Variants in NFS1 observed in about 807,000 individuals in gnomAD.
NFS1 encodes NFS1 cysteine desulfurase.
In NFS1, 26 loss-of-function variants were observed where a neutral mutation model predicts 57.3. That is an observed-to-expected ratio of 0.45 (90% CI 0.33 to 0.63). The LOEUF is 0.63. Ranked by LOEUF, NFS1 falls within the 20% of genes least tolerant of loss-of-function variation. NFS1 has a pLI of 0.02. For missense variants in NFS1, 505 were observed against 605.8 expected (o/e 0.83, Z 1.75); for synonymous variants, 209 against 216.3 (o/e 0.97, Z 0.30).
Position 35,697,673 on chromosome 20 carries a change from T to G in NFS1, c.324+11A>C. On this transcript the variant is annotated intron_variant, in intron 3 of 12. Coordinates refer to ENST00000374092, the MANE Select transcript of NFS1 (RefSeq NM_021100.5). ...TTGACCTTAGAACCTCCTAGACTCC[T>G]GTGTACTAACCTGACGAGCACGTTC... 1 of 1,597,020 alleles carries G rather than the reference T, an allele frequency of 6.3e-7. No homozygotes were observed. Among genetic ancestry groups the G allele is most frequent in the Non-Finnish European group, 8.6e-7 (1 of 1,167,914 alleles).
At chr20:35,689,725 G>A (rs754755098) in intron 5 of NFS1, among the ~76,000 whole-genome samples, 5 of 149,990 alleles carry the variant, frequency 3.3e-5, no homozygotes, top group African/African-American at 7.4e-5. Flanking sequence ...AGCCAAGATC[G>A]CGCCACTGCA....
chr20:35,693,415 C>A (rs1601535673), intron 4 of NFS1, among the ~76,000 whole-genome samples: 3 of 152,062 alleles, frequency 2.0e-5, no homozygotes, highest in East Asian at 1.9e-4. Flanking sequence ...CATTTTAAAT[C>A]TTTCCATTGG....
intron 7 of NFS1, among the ~76,000 whole-genome samples, chr20:35,678,436 G>A (rs142781778): frequency 0.017 from 2,538 of 151,828 alleles, 146 homozygotes; most frequent in East Asian, 0.14. Flanking sequence ...GCTGAGGCAG[G>A]AGAATCGCTT....
At chr20:35,676,732 T>C (rs1464542620) in intron 7 of NFS1, among the ~76,000 whole-genome samples, 1 of 106,842 alleles carries the variant, frequency 9.4e-6, no homozygotes, top group East Asian at 2.6e-4. Context: ...CCCAAGAAAT[T>C]GCCTCCCAAT....
Position 35,674,622 on chromosome 20 carries a change from G to A in NFS1, c.949-5C>T, listed in dbSNP as rs1022623574. The A allele has an allele frequency of 6.2e-7, 1 of 1,610,954 alleles. No individual in the cohort carries two copies. Among genetic ancestry groups the A allele is most frequent in the Admixed American group, 1.7e-5 (1 of 59,990 alleles). On this transcript the variant is annotated splice_polypyrimidine_tract_variant and splice_region_variant and intron_variant, in intron 8 of 12. Coordinates refer to ENST00000374092, the MANE Select transcript of NFS1 (RefSeq NM_021100.5). The stretch of plus-strand genomic sequence containing the variant: ...TGAGATTCGCTTGTGGTCATACTAA[G>A]GAGCAGGCAAGGAAGGATTAGGCAG...
chr20:35,689,630 C>T (rs1211905412), intron 5 of NFS1, among the ~76,000 whole-genome samples: 1 of 152,028 alleles, frequency 6.6e-6, no homozygotes, highest in Admixed American at 6.6e-5. Context: ...ACTAGCAAGG[C>T]GTGGTGGTGC....
At chr20:35,680,962 A>T in intron 6 of NFS1, 91 bp from the exon 7 acceptor site, 2 of 1,062,084 alleles carry the variant, frequency 1.9e-6, no homozygotes, top group Non-Finnish European at 2.5e-6. Flanking sequence ...TCCAATAGTA[A>T]ATGACCTGTA....
intron 5 of NFS1, among the ~76,000 whole-genome samples, chr20:35,683,390 G>A (rs992902908): frequency 6.6e-6 from 1 of 151,914 alleles, no homozygotes; most frequent in Non-Finnish European, 1.5e-5. Context: ...GCTGAGGCAG[G>A]AGAATCGCTT....
rs1185543582 is a variant in NFS1, at chr20:35,680,825, G to C, written c.702C>G (p.Ala234=). ...CAAGTGGGATTTTTCCAACAGCCTGGGCTGCATCAGTATGGAAATATACCT... is the reference window on the plus strand; with the variant it reads ...CAAGTGGGATTTTTCCAACAGCCTGCGCTGCATCAGTATGGAAATATACCT... The part of the protein sequence containing the change: ...SRKVYFHTDA[A]QAVGKIPLDV... Residue 234 remains alanine (A), a synonymous_variant, in exon 7 of 13, where the codon GCC becomes GCG. Transcript: ENST00000374092. 1.1e-5 allele frequency: 18 copies of C among 1,580,838 alleles called. No homozygotes were observed. Among genetic ancestry groups the C allele is most frequent in the Non-Finnish European group, 1.5e-5 (17 of 1,165,070 alleles).
At chr20:35,687,820 G>A (rs547985642) in intron 5 of NFS1, among the ~76,000 whole-genome samples, 4 of 152,312 alleles carry the variant, frequency 2.6e-5, no homozygotes, top group Middle Eastern at 3.4e-3. Flanking sequence ...AGAGGAGGCC[G>A]AGAAAGGTGG....
Position 35,690,713 on chromosome 20 carries a change from T to C in NFS1, c.409-148A>G. On this transcript the variant is annotated intron_variant, in intron 4 of 12. Transcript: ENST00000374092. ...AACTGAGTATCCTATAATTCAATTC[T>C]GAGGCTAACTCTCCAGACTTAGTGA... is the stretch of plus-strand genomic sequence containing the variant. 3 of 785,048 alleles carry C rather than the reference T, an allele frequency of 3.8e-6. No individual in the cohort carries two copies. The South Asian group carries it at 5.2e-5, about 14-fold the overall frequency. 48.6% of individuals were successfully genotyped at this position (785,048 alleles called of 1,614,324 possible).
intron 12 of NFS1, among the ~76,000 whole-genome samples, chr20:35,669,979 G>C (rs1348442307): frequency 1.7e-4 from 26 of 152,222 alleles, no homozygotes; most frequent in Admixed American, 1.7e-3. Flanking sequence ...TCATATTCTT[G>C]AAGCTTTCAT....
At chr20:35,675,330 A>T (rs928929771) in intron 7 of NFS1, 128 bp from the exon 8 acceptor site, 16 of 1,021,716 alleles carry the variant, frequency 1.6e-5, no homozygotes, top group Non-Finnish European at 2.1e-5. Flanking sequence ...TAAATAAAAA[A>T]CGTTAAGGAA....
At chr20:35,693,080 G>A (rs1195273466) in intron 4 of NFS1, among the ~76,000 whole-genome samples, 1 of 151,824 alleles carries the variant, frequency 6.6e-6, no homozygotes, top group Non-Finnish European at 1.5e-5. Flanking sequence ...AGGAGAGGAA[G>A]ATTTACACTT....
chr20:35,698,708 G>C, intron 1 of NFS1, 118 bp from the exon 2 acceptor site: 2 of 1,425,246 alleles, frequency 1.4e-6, no homozygotes, highest in Non-Finnish European at 1.8e-6. Flanking sequence ...GGGATGCTAG[G>C]GTCGAATCTC....
chr20:35,677,825 T>A (rs557519477), intron 7 of NFS1, among the ~76,000 whole-genome samples: 4 of 152,166 alleles, frequency 2.6e-5, no homozygotes, highest in Non-Finnish European at 5.9e-5. Flanking sequence ...TCCCAGCACT[T>A]TGGGAGACTG....
intron 5 of NFS1, among the ~76,000 whole-genome samples, chr20:35,689,420 C>G (rs924331322): frequency 1.4e-5 from 2 of 146,950 alleles, no homozygotes; most frequent in Admixed American, 6.8e-5. Flanking sequence ...GTCAGGAGTT[C>G]GAGACCAGCC....
At chr20:35,671,650 G>A (rs1391254707) in intron 12 of NFS1, among the ~76,000 whole-genome samples, 1 of 152,040 alleles carries the variant, frequency 6.6e-6, no homozygotes, top group Non-Finnish European at 1.5e-5. Flanking sequence ...AGCACTTTGG[G>A]AGGCCAAGAC....
rs539503690 is a variant in NFS1 at position 35,692,186 on chromosome 20, C to T, written c.409-1621G>A. On this transcript the variant is annotated intron_variant, in intron 4 of 12. Transcript: ENST00000374092. ...GGGCAACAAGAGCAAAACTCTGTCTCAAAAAATAAATAAATAAATAAAAAT... is the reference window on the plus strand; with the variant it reads ...GGGCAACAAGAGCAAAACTCTGTCTTAAAAAATAAATAAATAAATAAAAAT... 1.6e-4 allele frequency: 36 copies of T among 231,228 alleles called. No individual in the cohort carries two copies. The East Asian group carries it at 5.2e-3, about 33-fold the overall frequency. The allele number at this position is 231,228 out of a possible 1,614,324, so 14.3% of individuals were successfully genotyped here. A position where few individuals can be genotyped will look rare whatever the true frequency, so the allele number is the denominator to read the frequency against.
Sources: gnomAD v4.1 joint callset for allele counts (sites outside exome capture counted in the v4.1 genomes callset) on GRCh38, gnomAD v4.1.1 for gene constraint, MANE v1.5 for transcripts, NCBI Gene and HGNC (gene_info 2026-07-23, HGNC 2026-07-21) for gene names.